The following ERBB4 variants were observed in gnomAD, a reference collection of about 807,000 sequenced individuals.
The protein encoded by ERBB4 is erb-b2 receptor tyrosine kinase 4.
In ERBB4, 42 loss-of-function variants were observed where a neutral mutation model predicts 158.0. That is an observed-to-expected ratio of 0.27 (90% CI 0.21 to 0.34). The LOEUF (loss-of-function observed/expected upper bound fraction) is 0.34. Ranked by LOEUF, ERBB4 falls within the 10% of genes least tolerant of loss-of-function variation. ERBB4 has a pLI of 1.00. For missense variants in ERBB4, 1,333 were observed against 1,624.1 expected (o/e 0.82, Z 3.08); for synonymous variants, 583 against 558.7 (o/e 1.04, Z -0.61).
At chr2:212,416,481 TA>T (rs1574878268) in intron 1 of ERBB4, among the ~76,000 whole-genome samples, 1 of 152,018 alleles carries the variant, frequency 6.6e-6, no homozygotes, top group African/African-American at 2.4e-5. Context: ...CTTTTTATAT[TA>T]AAAAAATAGA....
intron 1 of ERBB4, among the ~76,000 whole-genome samples, chr2:212,269,444 G>C (rs2085265573): frequency 6.6e-6 from 1 of 151,848 alleles, no homozygotes; most frequent in South Asian, 2.1e-4. Context: ...CAGCTGATTG[G>C]CATGATCCAC....
chr2:212,405,222 C>G lies in ERBB4; in HGVS notation c.82+133227G>C, dbSNP rs555566111. Among the ~76,000 whole-genome samples the G allele has an allele frequency of 3.9e-5, 6 of 152,000 alleles. 1 individual carries two copies. The South Asian group carries it at 1.0e-3, about 26-fold the overall frequency. On this transcript the variant is annotated intron_variant, in intron 1 of 27. Coordinates refer to ENST00000342788, the MANE Select transcript of ERBB4 (RefSeq NM_005235.3). ...CAAAAGAAGACATACATGCGGCCAA[C>G]AAGCATATGAAAAAAAATTTGATAT... is the stretch of plus-strand genomic sequence containing the variant.
At chr2:211,785,344 G>A (rs751040993) in intron 4 of ERBB4, among the ~76,000 whole-genome samples, 4 of 152,042 alleles carry the variant, frequency 2.6e-5, no homozygotes, top group Admixed American at 6.6e-5. Context: ...CGCGTGATCC[G>A]CCCACCTCAG....
At chr2:212,066,618 G>A (rs2077955993) in intron 2 of ERBB4, among the ~76,000 whole-genome samples, 1 of 152,072 alleles carries the variant, frequency 6.6e-6, no homozygotes, top group South Asian at 2.1e-4. Context: ...CATCATAATT[G>A]TGGTTATTTT....
intron 3 of ERBB4, among the ~76,000 whole-genome samples, chr2:211,863,482 T>C (rs2078122918): frequency 2.0e-5 from 3 of 152,214 alleles, no homozygotes; most frequent in Non-Finnish European, 2.9e-5. Flanking sequence ...CTTTATGAGC[T>C]GTAACACTTA....
At chr2:212,190,201 T>C (rs2082143773) in intron 1 of ERBB4, among the ~76,000 whole-genome samples, 1 of 152,162 alleles carries the variant, frequency 6.6e-6, no homozygotes. Flanking sequence ...ACTAGAGAGT[T>C]CTTTAGATGG....
chr2:212,501,682 C>T (rs1036696963), intron 1 of ERBB4, among the ~76,000 whole-genome samples: 8 of 152,158 alleles, frequency 5.3e-5, no homozygotes, highest in African/African-American at 1.9e-4. Flanking sequence ...CTGCTACCTA[C>T]CATTCATCGC....
At position 211,445,485 on chromosome 2, in the gene ERBB4, G is replaced by A. The variant is rs2064088721; in HGVS notation, c.2488-14385C>T. On this transcript the variant is annotated intron_variant, in intron 20 of 27. Coordinates refer to ENST00000342788, the MANE Select transcript of ERBB4 (RefSeq NM_005235.3). Reference sequence around the variant, plus strand: ...AGAATACCAGAAAAAGTGACCAAAAGTAATGACCAGATTTATAGGAGAAGA... The same window carrying A: ...AGAATACCAGAAAAAGTGACCAAAAATAATGACCAGATTTATAGGAGAAGA... Among the ~76,000 whole-genome samples the A allele has an allele frequency of 2.0e-5, 3 of 151,990 alleles. No individual in the cohort carries two copies. The South Asian group carries it at 6.2e-4, about 32-fold the overall frequency.
intron 1 of ERBB4, among the ~76,000 whole-genome samples, chr2:212,153,087 A>G (rs2080923363): frequency 6.6e-6 from 1 of 152,178 alleles, no homozygotes; most frequent in Admixed American, 6.5e-5. Flanking sequence ...GAAGTTACTG[A>G]ATTTTGGGAT....
rs75879811 is a variant in ERBB4, at chr2:211,384,852, G to A, written c.3482-792C>T. Among the ~76,000 whole-genome samples, 801 of 151,714 alleles carry A rather than the reference G, an allele frequency of 5.3e-3. 14 individuals carry two copies. Among genetic ancestry groups the A allele is most frequent in the African/African-American group, 0.019 (770 of 41,342 alleles). On this transcript the variant is annotated intron_variant, in intron 27 of 27. Transcript: ENST00000342788. Reference sequence around the variant, plus strand: ...CAGTCAATTAGTGCCTATTTTGTACGGATCAATCTAATAAATCCATCTAGT... The same window carrying A: ...CAGTCAATTAGTGCCTATTTTGTACAGATCAATCTAATAAATCCATCTAGT...
chr2:212,424,660 C>T (rs563765452), intron 1 of ERBB4, among the ~76,000 whole-genome samples: 1 of 152,180 alleles, frequency 6.6e-6, no homozygotes, highest in South Asian at 2.1e-4. Flanking sequence ...CTATAGCTCA[C>T]CTATAGTAAT....
chr2:212,003,328 A>C (rs1233319953), intron 2 of ERBB4, among the ~76,000 whole-genome samples: 1 of 151,388 alleles, frequency 6.6e-6, no homozygotes, highest in Non-Finnish European at 1.5e-5. Flanking sequence ...ATGGTAAAAA[A>C]AAAAAAAATG....
intron 1 of ERBB4, among the ~76,000 whole-genome samples, chr2:212,206,402 C>A (rs1051675663): frequency 1.3e-5 from 2 of 151,914 alleles, no homozygotes; most frequent in Non-Finnish European, 2.9e-5. Context: ...TGGTTACAAT[C>A]GCATGGGATT....
intron 1 of ERBB4, among the ~76,000 whole-genome samples, chr2:212,524,536 T>C: frequency 6.6e-6 from 1 of 151,992 alleles, no homozygotes. Flanking sequence ...CTTGGGAAAA[T>C]GTATAGCATT....
chr2:211,644,873 A>G (rs1337168182), intron 16 of ERBB4, among the ~76,000 whole-genome samples: 1 of 151,984 alleles, frequency 6.6e-6, no homozygotes, highest in Non-Finnish European at 1.5e-5. Context: ...TTCAGATTGC[A>G]TATCTTTATT....
intron 25 of ERBB4, among the ~76,000 whole-genome samples, chr2:211,416,089 T>C (rs2063384356): frequency 6.6e-6 from 1 of 152,196 alleles, no homozygotes; most frequent in Non-Finnish European, 1.5e-5. Context: ...CTTAAAACTA[T>C]TGCTTACAAA....
intron 9 of ERBB4, among the ~76,000 whole-genome samples, chr2:211,706,606 A>AC (rs1226812380): frequency 6.1e-4 from 92 of 150,070 alleles, no homozygotes; most frequent in Middle Eastern, 3.4e-3. Context: ...AAAAACAAAA[A>AC]AAAAAAAAAC....
intron 3 of ERBB4, among the ~76,000 whole-genome samples, chr2:211,839,414 G>T (rs551756678): frequency 6.6e-6 from 1 of 152,102 alleles, no homozygotes; most frequent in East Asian, 1.9e-4. Flanking sequence ...TATGAGATGG[G>T]TATAGAGAAA....
intron 1 of ERBB4, among the ~76,000 whole-genome samples, chr2:212,415,858 A>G (rs1367510742): frequency 6.6e-6 from 1 of 152,132 alleles, no homozygotes; most frequent in Non-Finnish European, 1.5e-5. Context: ...TTTTATTTGG[A>G]ACATCCAACG....
Sources: gnomAD v4.1 joint callset for allele counts (sites outside exome capture counted in the v4.1 genomes callset) on GRCh38, gnomAD v4.1.1 for gene constraint, MANE v1.5 for transcripts, NCBI Gene and HGNC (gene_info 2026-07-23, HGNC 2026-07-21) for gene names.